Variants in DAOA observed in about 807,000 individuals in gnomAD.
The protein encoded by DAOA is D-amino acid oxidase regulator.
Under a neutral mutation model 16.4 loss-of-function variants are expected in DAOA, and 15 were observed. The ratio of observed to expected loss-of-function variants is 0.91; its 90% confidence interval spans 0.61 to 1.41. The LOEUF (loss-of-function observed/expected upper bound fraction) is 1.41, where lower values mean the gene tolerates loss of function less well. Among genes scored for constraint, DAOA ranks in the 40% most tolerant of loss-of-function variants. DAOA has a pLI of 0.00. For missense variants in DAOA, 230 were observed against 176.8 expected (o/e 1.30, Z -1.71); for synonymous variants, 75 against 59.1 (o/e 1.27, Z -1.23).
At chr13:105,468,301 G>C (rs2139165128) in intron 3 of DAOA, among the ~76,000 whole-genome samples, 1 of 152,310 alleles carries the variant, frequency 6.6e-6, no homozygotes, top group South Asian at 2.1e-4. Context: ...TTTTTGGGGG[G>C]TGGAGCAAAG....
At chr13:105,475,782 T>C (rs1041823050) in intron 4 of DAOA, among the ~76,000 whole-genome samples, 9 of 152,196 alleles carry the variant, frequency 5.9e-5, no homozygotes, top group Non-Finnish European at 1.0e-4. Context: ...CATTTTTATT[T>C]AAAAAGTTTA....
intron 1 of DAOA, 35 bp from the exon 2 acceptor site, chr13:105,466,181 G>A: frequency 1.9e-6 from 3 of 1,548,870 alleles, no homozygotes; most frequent in Admixed American, 1.9e-5. Flanking sequence ...TAAAGTAAAA[G>A]CTTACTAGTG....
chr13:105,471,822 A>G (rs760206059), intron 3 of DAOA, among the ~76,000 whole-genome samples: 1 of 152,212 alleles, frequency 6.6e-6, no homozygotes, highest in Non-Finnish European at 1.5e-5. Context: ...AAAATTTTAC[A>G]AAGTTGCAAA....
intron 4 of DAOA, among the ~76,000 whole-genome samples, chr13:105,477,586 T>C (rs1190353326): frequency 6.6e-6 from 1 of 152,102 alleles, no homozygotes; most frequent in Non-Finnish European, 1.5e-5. Context: ...TAGCCAGATA[T>C]GTTGGTGCAT....
chr13:105,472,794 T>C (rs1328194714), intron 4 of DAOA, 109 bp downstream of exon 4: 1 of 948,564 alleles, frequency 1.1e-6, no homozygotes, highest in East Asian at 2.8e-5. Flanking sequence ...TTATACTTCA[T>C]GTTGAACTTT....
intron 4 of DAOA, among the ~76,000 whole-genome samples, chr13:105,476,736 G>C (rs1020605482): frequency 2.6e-5 from 4 of 151,698 alleles, no homozygotes; most frequent in African/African-American, 9.7e-5. Context: ...TATACCCAAG[G>C]CATATGATTG....
chr13:105,483,025 T>G (rs896259757), intron 4 of DAOA, among the ~76,000 whole-genome samples: 9 of 152,148 alleles, frequency 5.9e-5, no homozygotes, highest in African/African-American at 1.7e-4. Context: ...TAATCTCTCC[T>G]CTTTTCTTTA....
At chr13:105,485,025 G>A (rs988489298) in intron 4 of DAOA, among the ~76,000 whole-genome samples, 49 of 152,232 alleles carry the variant, frequency 3.2e-4, no homozygotes, top group Non-Finnish European at 4.6e-4. Context: ...TTATGGCAGG[G>A]TTAGTCTGGT....
rs775859547 is a variant in DAOA, at chr13:105,489,859, C to G, written c.282-42C>G. 2.5e-6 allele frequency: 4 copies of G among 1,613,580 alleles called. No individual in the cohort carries two copies. In the East Asian group the frequency reaches 8.9e-5, roughly 36 times the overall value. ...CACTTGACTCCGGTGATGAGGTTAC[C>G]TTTCACAAGACCTGGCCAACTGAGA... On this transcript the variant is annotated intron_variant, in intron 4 of 5. Coordinates refer to ENST00000375936, the MANE Select transcript of DAOA (RefSeq NM_172370.5).
intron 3 of DAOA, 39 bp downstream of exon 3, chr13:105,467,180 C>A: frequency 1.3e-6 from 2 of 1,536,730 alleles, no homozygotes; most frequent in South Asian, 1.2e-5. Flanking sequence ...TTAAATTCTT[C>A]TAGAAGTTAG....
At chr13:105,489,657 A>G (rs1275768453) in intron 4 of DAOA, 21 of 859,106 alleles carry the variant, frequency 2.4e-5, no homozygotes, top group African/African-American at 3.4e-5. Flanking sequence ...ACAATTCTTT[A>G]TGCTTTTTCA....
chr13:105,468,630 A>G (rs905395880), intron 3 of DAOA, among the ~76,000 whole-genome samples: 1 of 152,258 alleles, frequency 6.6e-6, no homozygotes, highest in African/African-American at 2.4e-5. Flanking sequence ...AGTCTAATCA[A>G]TGCCTGGTGG....
chr13:105,472,125 C>T lies in DAOA; in HGVS notation c.134-413C>T, dbSNP rs775374982. ...TCCCAACAGTCACACAGGGAAGGGA[C>T]GAGAGGACTATTTCATCGTGAGGTT... On this transcript the variant is annotated intron_variant, in intron 3 of 5. Coordinates refer to ENST00000375936, the MANE Select transcript of DAOA (RefSeq NM_172370.5). Among the ~76,000 whole-genome samples, 3 of 152,166 alleles carry T rather than the reference C, an allele frequency of 2.0e-5. No homozygotes were observed. The South Asian group carries it at 6.2e-4, about 31-fold the overall frequency.
chr13:105,489,339 A>G (rs181537477), intron 4 of DAOA, among the ~76,000 whole-genome samples: 191 of 152,300 alleles, frequency 1.3e-3, no homozygotes, highest in African/African-American at 2.9e-3. Context: ...CCAGTGTTTC[A>G]GTTTCCTCAC....
intron 4 of DAOA, among the ~76,000 whole-genome samples, chr13:105,473,565 C>T (rs1334486039): frequency 6.6e-6 from 1 of 151,974 alleles, no homozygotes; most frequent in African/African-American, 2.4e-5. Context: ...TTGTCATTTA[C>T]CATATTCCTA....
At chr13:105,488,198 C>A (rs1461455653) in intron 4 of DAOA, among the ~76,000 whole-genome samples, 1 of 152,188 alleles carries the variant, frequency 6.6e-6, no homozygotes, top group Non-Finnish European at 1.5e-5. Flanking sequence ...CAACCCCCAA[C>A]CTGCCTGCCT....
At chr13:105,475,470 G>A (rs1199686869) in intron 4 of DAOA, among the ~76,000 whole-genome samples, 1 of 152,098 alleles carries the variant, frequency 6.6e-6, no homozygotes, top group African/African-American at 2.4e-5. Context: ...TGCAGTGTTG[G>A]TGCTAAAATG....
Position 105,468,133 on chromosome 13 carries a change from G to C in DAOA, c.133+992G>C, listed in dbSNP as rs190908612. ...AGCATCCCCCTCTCTAAGCACAGCA[G>C]GGAGACCTTCACTGATTATAAAGAT... On this transcript the variant is annotated intron_variant, in intron 3 of 5. Transcript: ENST00000375936. Among the ~76,000 whole-genome samples the C allele has an allele frequency of 3.5e-3, 532 of 152,206 alleles. 7 individuals are homozygous for C. The highest frequency in any genetic ancestry group is 0.017 in the Middle Eastern group (5 of 294).
At chr13:105,470,621 T>C (rs527279657) in intron 3 of DAOA, among the ~76,000 whole-genome samples, 1 of 152,076 alleles carries the variant, frequency 6.6e-6, no homozygotes, top group South Asian at 2.1e-4. Flanking sequence ...TTATTTTAAA[T>C]TATTTTGAGA....
Sources: gnomAD v4.1 joint callset for allele counts (sites outside exome capture counted in the v4.1 genomes callset) on GRCh38, gnomAD v4.1.1 for gene constraint, MANE v1.5 for transcripts, NCBI Gene and HGNC (gene_info 2026-07-23, HGNC 2026-07-21) for gene names.